Variants in SIDT1 observed in about 807,000 individuals in gnomAD.
SIDT1 encodes SID1 transmembrane family, member 1.
Under a neutral mutation model 107.5 loss-of-function variants are expected in SIDT1, and 101 were observed. The ratio of observed to expected loss-of-function variants is 0.94; its 90% CI spans 0.80 to 1.11. SIDT1 has a LOEUF of 1.11. Among genes scored for constraint, SIDT1 ranks in the 50% least tolerant of loss-of-function variants. SIDT1 has a pLI of 0.00. For synonymous variants in SIDT1, 395 were observed against 398.2 expected, an observed-to-expected ratio of 0.99 and a Z score of 0.10; for missense variants, 1,076 against 1,058.2, an observed-to-expected ratio of 1.02 and a Z score of -0.23.
intron 1 of SIDT1, among the ~76,000 whole-genome samples, chr3:113,542,122 C>A (rs1426364912): frequency 6.6e-6 from 1 of 151,882 alleles, no homozygotes; most frequent in Non-Finnish European, 1.5e-5. Flanking sequence ...GGGTTTTCAC[C>A]ATGTGGGCCA....
chr3:113,556,407 G>C (rs1940861920), intron 1 of SIDT1, among the ~76,000 whole-genome samples: 1 of 152,170 alleles, frequency 6.6e-6, no homozygotes, highest in African/African-American at 2.4e-5. Context: ...TGATAAGAAA[G>C]GGATTCAGGA....
intron 21 of SIDT1, among the ~76,000 whole-genome samples, chr3:113,620,122 C>T (rs1196205776): frequency 6.6e-6 from 1 of 151,986 alleles, no homozygotes; most frequent in Non-Finnish European, 1.5e-5. Context: ...TAGCTTTAAA[C>T]TCTTTCACAG....
chr3:113,610,107 CATATT>C, intron 17 of SIDT1, among the ~76,000 whole-genome samples: 1 of 152,234 alleles, frequency 6.6e-6, no homozygotes, highest in Non-Finnish European at 1.5e-5. Flanking sequence ...TAAGGGTTGT[CATATT>C]ATATAACAAA....
chr3:113,588,054 G>A (rs1458550856), intron 9 of SIDT1, among the ~76,000 whole-genome samples: 1 of 152,234 alleles, frequency 6.6e-6, no homozygotes, highest in African/African-American at 2.4e-5. Context: ...TTAGAAAACA[G>A]GAGTGTTCCT....
intron 4 of SIDT1, among the ~76,000 whole-genome samples, chr3:113,578,712 G>A (rs536965824): frequency 6.6e-6 from 1 of 151,912 alleles, no homozygotes; most frequent in African/African-American, 2.4e-5. Flanking sequence ...AAAATTAGCC[G>A]GGTATGGTAG....
intron 6 of SIDT1, 64 bp downstream of exon 6, chr3:113,581,508 G>A: frequency 2.3e-6 from 3 of 1,313,162 alleles, no homozygotes; most frequent in Non-Finnish European, 3.3e-6. Context: ...TGTACTTACT[G>A]GGCCAGCATC....
At chr3:113,608,668 C>T in intron 17 of SIDT1, 132 bp downstream of exon 17, 1 of 703,278 alleles carries the variant, frequency 1.4e-6, no homozygotes. Context: ...TCAGAGAGGA[C>T]CTCCACACAG....
chr3:113,543,362 C>T (rs1389319534), intron 1 of SIDT1, among the ~76,000 whole-genome samples: 2 of 152,158 alleles, frequency 1.3e-5, no homozygotes, highest in Non-Finnish European at 2.9e-5. Flanking sequence ...GTTTTAATTG[C>T]CGTTCTCAGA....
intron 6 of SIDT1, chr3:113,581,690 T>C (rs1298984953): frequency 4.5e-6 from 2 of 440,714 alleles, no homozygotes; most frequent in South Asian, 2.6e-5. Flanking sequence ...CTGGCCAATA[T>C]GGCAAAACCC....
At chr3:113,636,381 C>A in the SIDT1 span, among the ~76,000 whole-genome samples, 6 of 151,996 alleles carry the variant, frequency 3.9e-5, no homozygotes, top group East Asian at 9.7e-4. Flanking sequence ...ACAGCCTGGA[C>A]AATAGAGCGA....
At chr3:113,611,755 CA>C (rs1014016837) in intron 18 of SIDT1, among the ~76,000 whole-genome samples, 2 of 152,196 alleles carry the variant, frequency 1.3e-5, no homozygotes, top group African/African-American at 4.8e-5. Context: ...GGGGAAAAAA[CA>C]GAAACCACCT....
rs1945071313 is a variant in SIDT1 at position 113,603,049 on chromosome 3, G to A, written c.1162G>A (p.Gly388Ser). 6.2e-7 allele frequency: 1 copy of A among 1,614,036 alleles called. No homozygotes were observed. The highest frequency in any genetic ancestry group is 2.2e-5 in the East Asian group (1 of 44,902). Residue 388 changes from glycine to serine, a missense_variant, in exon 12 of 25, where the codon GGT becomes AGT. Gly to Ser is a moderately conservative substitution (Grantham distance 56). Coordinates refer to ENST00000264852, the MANE Select transcript of SIDT1 (RefSeq NM_017699.3). Reference sequence around the variant, plus strand: ...TGGAAGGCAGATGTCCTCCTCCGATGGTGGGCCACCGGGCCAGTCAGACAC... The same window carrying A: ...TGGAAGGCAGATGTCCTCCTCCGATAGTGGGCCACCGGGCCAGTCAGACAC... ...SPGRQMSSSD[G>S]GPPGQSDTDS...
intron 1 of SIDT1, among the ~76,000 whole-genome samples, chr3:113,536,407 T>G (rs528286841): frequency 2.6e-5 from 4 of 152,246 alleles, no homozygotes; most frequent in African/African-American, 9.6e-5. Flanking sequence ...ATTGCCCACC[T>G]CCCCTCTTCA....
At chr3:113,563,726 T>C (rs929315174) in intron 1 of SIDT1, among the ~76,000 whole-genome samples, 18 of 149,688 alleles carry the variant, frequency 1.2e-4, no homozygotes, top group African/African-American at 3.7e-4. Flanking sequence ...ATGGGTCTTG[T>C]TTGTGCCCAA....
intron 1 of SIDT1, among the ~76,000 whole-genome samples, chr3:113,550,478 CAT>C (rs1165028863): frequency 3.3e-5 from 5 of 152,198 alleles, no homozygotes; most frequent in African/African-American, 1.2e-4. Context: ...ATGAAGAACA[CAT>C]GTTACTTGGG....
intron 9 of SIDT1, among the ~76,000 whole-genome samples, chr3:113,590,382 TC>T: frequency 6.6e-6 from 1 of 152,302 alleles, no homozygotes; most frequent in Admixed American, 6.5e-5. Context: ...CTCACACCCC[TC>T]CAACCTCATT....
chr3:113,572,568 G>C (rs1299648067), intron 3 of SIDT1, among the ~76,000 whole-genome samples: 1 of 152,232 alleles, frequency 6.6e-6, no homozygotes, highest in Non-Finnish European at 1.5e-5. Flanking sequence ...CAGTGTGGAA[G>C]AGGAATTACA....
chr3:113,602,207 T>TA (rs1446276213), intron 11 of SIDT1, among the ~76,000 whole-genome samples: 1 of 152,220 alleles, frequency 6.6e-6, no homozygotes, highest in Non-Finnish European at 1.5e-5. Flanking sequence ...CCTGTCTTGT[T>TA]AGAGTAGAAG....
At chr3:113,590,815 G>A (rs966571624) in intron 9 of SIDT1, among the ~76,000 whole-genome samples, 1 of 152,166 alleles carries the variant, frequency 6.6e-6, no homozygotes, top group African/African-American at 2.4e-5. Flanking sequence ...AATTAAAGGA[G>A]ACTTAAATGA....
Sources: allele counts gnomAD v4.1 joint callset (sites outside exome capture counted in the v4.1 genomes callset), GRCh38; gene constraint gnomAD v4.1.1; transcripts MANE v1.5; gene names NCBI Gene and HGNC (gene_info 2026-07-23, HGNC 2026-07-21).